ADGRL3: variants seen among roughly 807,000 people sequenced by gnomAD.
The protein encoded by ADGRL3 is calcium-independent alpha-latrotoxin receptor 3.
In ADGRL3, 62 loss-of-function variants were observed where a neutral mutation model predicts 153.5. That is an observed-to-expected ratio of 0.40 (90% CI 0.33 to 0.50). The LOEUF (loss-of-function observed/expected upper bound fraction) is 0.50. Ranked by LOEUF, ADGRL3 falls within the 20% of genes least tolerant of loss-of-function variation. The pLI is 0.47. For missense variants in ADGRL3, 1,641 were observed against 1,859.4 expected (o/e 0.88, Z 2.16); for synonymous variants, 710 against 672.5 (o/e 1.06, Z -0.86).
At chr4:61,410,937 G>A (rs188739362) in intron 2 of ADGRL3, among the ~76,000 whole-genome samples, 2 of 152,302 alleles carry the variant, frequency 1.3e-5, no homozygotes, top group Non-Finnish European at 2.9e-5. Context: ...GAGGTTGCAG[G>A]ATGTCAGATT....
intron 25 of ADGRL3, among the ~76,000 whole-genome samples, chr4:62,055,392 C>G (rs1376299970): frequency 1.3e-5 from 2 of 151,644 alleles, no homozygotes; most frequent in Non-Finnish European, 3.0e-5. Flanking sequence ...TGAAGTATCT[C>G]CAAACCATTT....
At chr4:61,837,345 AG>A (rs2097952316) in intron 9 of ADGRL3, among the ~76,000 whole-genome samples, 1 of 152,210 alleles carries the variant, frequency 6.6e-6, no homozygotes, top group Non-Finnish European at 1.5e-5. Flanking sequence ...CTCAGTGGTG[AG>A]TAACTTATTA....
intron 1 of ADGRL3, among the ~76,000 whole-genome samples, chr4:61,247,612 A>G (rs1184563876): frequency 6.6e-6 from 1 of 152,072 alleles, no homozygotes; most frequent in African/African-American, 2.4e-5. Flanking sequence ...GGCAAATTTC[A>G]GTCAGTTTTA....
chr4:61,452,853 G>A (rs956576561), intron 2 of ADGRL3, among the ~76,000 whole-genome samples: 1 of 151,890 alleles, frequency 6.6e-6, no homozygotes, highest in African/African-American at 2.4e-5. Context: ...ATGTAAAATG[G>A]CTTGGTAATT....
At chr4:61,835,238 TTCTG>T (rs2097917771) in intron 9 of ADGRL3, among the ~76,000 whole-genome samples, 3 of 148,748 alleles carry the variant, frequency 2.0e-5, no homozygotes, top group Non-Finnish European at 4.4e-5. Flanking sequence ...CCAAAACGAG[TTCTG>T]CGGCTCCTCC....
intron 2 of ADGRL3, among the ~76,000 whole-genome samples, chr4:61,403,103 G>A (rs1409634831): frequency 6.6e-6 from 1 of 151,840 alleles, no homozygotes; most frequent in African/African-American, 2.4e-5. Context: ...CTTCTTATAA[G>A]AGCACTAATC....
intron 19 of ADGRL3, among the ~76,000 whole-genome samples, chr4:61,984,941 A>C (rs1412790226): frequency 2.0e-5 from 3 of 152,152 alleles, no homozygotes; most frequent in African/African-American, 7.2e-5. Flanking sequence ...TTTAAAGATG[A>C]AGTCTTAAGC....
intron 2 of ADGRL3, among the ~76,000 whole-genome samples, chr4:61,453,299 G>A (rs1297646612): frequency 6.6e-6 from 1 of 152,102 alleles, no homozygotes; most frequent in Non-Finnish European, 1.5e-5. Flanking sequence ...AGACAGTGGT[G>A]GAAAGACTCC....
Position 61,729,894 on chromosome 4 carries a change from G to C in ADGRL3, c.584-728G>C, listed in dbSNP as rs74898795. On this transcript the variant is annotated intron_variant, in intron 6 of 26. Coordinates refer to ENST00000683033, the MANE Select transcript of ADGRL3 (RefSeq NM_001387552.1). ...TATAAGTGTATGTTGACTCTGTTAA[G>C]AATTTCAGAAAAGACCAGAGCCAGT... is the stretch of plus-strand genomic sequence containing the variant. Among the ~76,000 whole-genome samples the C allele has an allele frequency of 3.8e-3, 578 of 152,078 alleles. 1 individual carries two copies. The highest frequency in any genetic ancestry group is 6.8e-3 in the Non-Finnish European group (460 of 67,864).
At chr4:61,497,453 TATC>T in intron 3 of ADGRL3, 105 bp downstream of exon 3, 1 of 611,518 alleles carries the variant, frequency 1.6e-6, no homozygotes, top group Non-Finnish European at 2.8e-6. Context: ...AGTTTTTCCT[TATC>T]ATATGTTAGT....
chr4:61,656,541 G>A (rs1357710135), intron 5 of ADGRL3, among the ~76,000 whole-genome samples: 2 of 152,090 alleles, frequency 1.3e-5, no homozygotes, highest in Admixed American at 1.3e-4. Context: ...GGAGCTATTT[G>A]GTTCCTGGGT....
chr4:61,535,323 G>C (rs113141967), intron 4 of ADGRL3, among the ~76,000 whole-genome samples: 2 of 151,876 alleles, frequency 1.3e-5, no homozygotes, highest in Non-Finnish European at 2.9e-5. Flanking sequence ...TTTGGATAGG[G>C]TGTTGGATTT....
chr4:61,469,775 G>T (rs1371629474), intron 2 of ADGRL3, among the ~76,000 whole-genome samples: 1 of 152,010 alleles, frequency 6.6e-6, no homozygotes, highest in East Asian at 1.9e-4. Flanking sequence ...GGAACAAGTA[G>T]TATAGAAATT....
chr4:62,009,674 A>G (rs1001475122), intron 21 of ADGRL3, among the ~76,000 whole-genome samples: 5 of 152,074 alleles, frequency 3.3e-5, no homozygotes, highest in Non-Finnish European at 5.9e-5. Context: ...CCATTTTTTC[A>G]CACATCTACC....
At chr4:61,331,536 T>C (rs978744096) in intron 1 of ADGRL3, among the ~76,000 whole-genome samples, 103 of 152,192 alleles carry the variant, frequency 6.8e-4, no homozygotes, top group African/African-American at 2.4e-3. Flanking sequence ...GTTTGCTCAG[T>C]TTGTAAAAGG....
chr4:61,470,897 T>C (rs2097943253), intron 2 of ADGRL3, among the ~76,000 whole-genome samples: 1 of 151,968 alleles, frequency 6.6e-6, no homozygotes, highest in Non-Finnish European at 1.5e-5. Context: ...TAGATTAACA[T>C]TGAAAACATT....
intron 9 of ADGRL3, among the ~76,000 whole-genome samples, chr4:61,883,011 GAGGCTGAGTC>G (rs1189607696): frequency 6.6e-6 from 1 of 152,194 alleles, no homozygotes; most frequent in Admixed American, 6.5e-5. Context: ...AGCTACTGGA[GAGGCTGAGTC>G]AGGAGAATTG....
At chr4:61,776,193 C>G (rs1278194474) in intron 8 of ADGRL3, among the ~76,000 whole-genome samples, 1 of 152,222 alleles carries the variant, frequency 6.6e-6, no homozygotes, top group South Asian at 2.1e-4. Context: ...AGCCACGGCG[C>G]CAAGCCCTGA....
In ADGRL3 at chr4:61,422,650, C is replaced by G. The variant is rs1375478458; in HGVS notation, c.-174+39461C>G. 3.3e-5 allele frequency among the ~76,000 whole-genome samples: 5 copies of G among 152,044 alleles called. No homozygotes were observed. The South Asian group carries it at 1.0e-3, about 32-fold the overall frequency. On this transcript the variant is annotated intron_variant, in intron 2 of 26. Coordinates refer to ENST00000683033, the MANE Select transcript of ADGRL3 (RefSeq NM_001387552.1). ...GACTAATGTAGATGTTTCAGTGTAC[C>G]TAATTCATTGATATTATAAAAGTTA...
Sources: gnomAD v4.1 joint callset for allele counts (sites outside exome capture counted in the v4.1 genomes callset) on GRCh38, gnomAD v4.1.1 for gene constraint, MANE v1.5 for transcripts, NCBI Gene and HGNC (gene_info 2026-07-23, HGNC 2026-07-21) for gene names.